The following DYNC2H1 variants were observed in gnomAD, a reference collection of about 807,000 sequenced individuals.
DYNC2H1 encodes the protein cytoplasmic dynein 2 heavy chain 1.
Under a neutral mutation model 570.0 loss-of-function variants are expected in DYNC2H1, and 410 were observed. The ratio of observed to expected loss-of-function variants is 0.72; its 90% confidence interval spans 0.66 to 0.78. DYNC2H1 has a LOEUF of 0.78. Among genes scored for constraint, DYNC2H1 ranks in the 30% least tolerant of loss-of-function variants. DYNC2H1 has a pLI of 0.00. For missense variants in DYNC2H1, 4,865 were observed against 5,046.4 expected, an observed-to-expected ratio of 0.96 and a Z score of 1.09; for synonymous variants, 1,688 against 1,677.6, an observed-to-expected ratio of 1.01 and a Z score of -0.15.
chr11:103,360,140 G>A (rs1004349267), intron 83 of DYNC2H1, among the ~76,000 whole-genome samples: 2 of 152,018 alleles, frequency 1.3e-5, no homozygotes, highest in African/African-American at 4.8e-5. Flanking sequence ...ACAAATTATA[G>A]AATATGTTGC....
intron 78 of DYNC2H1, among the ~76,000 whole-genome samples, chr11:103,308,930 T>A (rs776223559): frequency 1.1e-4 from 16 of 152,050 alleles, no homozygotes; most frequent in Non-Finnish European, 2.4e-4. Flanking sequence ...GCAAATATTC[T>A]CTCCCATTCT....
intron 85 of DYNC2H1, among the ~76,000 whole-genome samples, chr11:103,445,715 G>A (rs1285815461): frequency 6.6e-6 from 1 of 152,258 alleles, no homozygotes; most frequent in Non-Finnish European, 1.5e-5. Context: ...GCAGTGGCTC[G>A]ATCTCAGCTC....
In DYNC2H1 at chr11:103,157,141, C is replaced by A. The variant is rs1005660112; in HGVS notation, c.4127+371C>A. Among the ~76,000 whole-genome samples, 1 of 152,064 alleles carries A rather than the reference C, an allele frequency of 6.6e-6. No individual in the cohort carries two copies. The highest frequency in any genetic ancestry group is 1.5e-5 in the Non-Finnish European group (1 of 67,998). ...TCTCTTCCATTGGCTTCTGTGATTT[C>A]GTCCTCTCTTGGTTTTCTGACTGTC... On this transcript the variant is annotated intron_variant, in intron 26 of 88. Transcript: ENST00000375735. The surrounding 1 kb of genome is among the most constrained non-coding windows in gnomAD (Gnocchi z 4.2).
intron 73 of DYNC2H1, among the ~76,000 whole-genome samples, chr11:103,284,000 TC>T (rs756364845): frequency 1.5e-4 from 18 of 124,064 alleles, no homozygotes; most frequent in Non-Finnish European, 2.4e-4. Flanking sequence ...CCTGTGCACT[TC>T]CTTGTAAAAG....
In DYNC2H1 at chr11:103,185,089, T is replaced by C; in HGVS notation, c.6633+38T>C. The C allele has an allele frequency of 6.4e-7, 1 of 1,574,584 alleles. No individual in the cohort carries two copies. Among genetic ancestry groups the C allele is most frequent in the Non-Finnish European group, 8.7e-7 (1 of 1,154,698 alleles). ...TATAGCCTATATTTAGTCAAAACTTTAACTTTTCATTAACTCTTAACTGCC... is the reference window on the plus strand; with the variant it reads ...TATAGCCTATATTTAGTCAAAACTTCAACTTTTCATTAACTCTTAACTGCC... On this transcript the variant is annotated intron_variant, in intron 41 of 88. Transcript: ENST00000375735. The surrounding 1 kb of genome is among the most constrained non-coding windows in gnomAD (Gnocchi z 4.5).
At chr11:103,258,083 A>C (rs638569) in intron 69 of DYNC2H1, among the ~76,000 whole-genome samples, 8,488 of 152,298 alleles carry the variant, frequency 0.056, 316 homozygotes, top group Middle Eastern at 0.13. Flanking sequence ...TGGGGAAAAC[A>C]ACATTTAACA....
Position 103,326,897 on chromosome 11 carries a change from A to G in DYNC2H1, c.12039+2907A>G, listed in dbSNP as rs1591582994. Among the ~76,000 whole-genome samples the G allele has an allele frequency of 3.3e-5, 5 of 152,292 alleles. No homozygotes were observed. In the Middle Eastern group the frequency reaches 0.014, roughly 414 times the overall value. On this transcript the variant is annotated intron_variant, in intron 82 of 88. Coordinates refer to ENST00000375735, the MANE Select transcript of DYNC2H1 (RefSeq NM_001377.3). This position sits in a 1 kb window ranked among gnomAD's most constrained non-coding sequence, Gnocchi z 6.1. ...CTCTACTACAGCTGTCCTGCACACA[A>G]AAGCTCCTGAGCTCCACAGCAGCTG... is the stretch of plus-strand genomic sequence containing the variant.
intron 75 of DYNC2H1, among the ~76,000 whole-genome samples, chr11:103,290,020 G>A (rs1185743946): frequency 6.6e-6 from 1 of 151,866 alleles, no homozygotes; most frequent in Non-Finnish European, 1.5e-5. Flanking sequence ...GAGAACCTAG[G>A]AAGAGATATG....
Position 103,170,366 on chromosome 11 carries a change from A to G in DYNC2H1, c.5151+76A>G. 1 of 1,313,676 alleles carries G rather than the reference A, an allele frequency of 7.6e-7. No homozygotes were observed. The highest frequency in any genetic ancestry group is 1.0e-6 in the Non-Finnish European group (1 of 990,180). 81.4% of individuals were successfully genotyped at this position (1,313,676 alleles called of 1,614,324 possible). A position where few individuals can be genotyped will look rare whatever the true frequency, so the allele number is the denominator to read the frequency against. On this transcript the variant is annotated intron_variant, in intron 33 of 88. Coordinates refer to ENST00000375735, the MANE Select transcript of DYNC2H1 (RefSeq NM_001377.3). The surrounding 1 kb of genome is among the most constrained non-coding windows in gnomAD (Gnocchi z 4.8). ...ATTAGTTTCTATTAGTATATGAAAT[A>G]CTCTACTTAAAAATCACTACATTTA...
chr11:103,359,819 G>A (rs1591629462), intron 83 of DYNC2H1, among the ~76,000 whole-genome samples: 1 of 151,566 alleles, frequency 6.6e-6, no homozygotes, highest in South Asian at 2.1e-4. Context: ...TGCACACTAC[G>A]GCACCCAGCT....
chr11:103,411,378 G>T (rs1271671029), intron 84 of DYNC2H1, among the ~76,000 whole-genome samples: 2 of 151,880 alleles, frequency 1.3e-5, no homozygotes, highest in Admixed American at 6.6e-5. Context: ...TGTATAAAAT[G>T]GAGGCTTTGT....
In DYNC2H1 at chr11:103,209,885, A is replaced by G; in HGVS notation, c.8464A>G (p.Met2822Val). Residue 2822 changes from methionine (M) to valine (V), a missense_variant, in exon 53 of 89, where the codon ATG becomes GTG. By Grantham distance (21) the Met-to-Val change is conservative. This residue lies in a region of DYNC2H1 where 2,401 missense variants were observed against 2,454.6 expected (regional missense o/e 0.98). Coordinates refer to ENST00000375735, the MANE Select transcript of DYNC2H1 (RefSeq NM_001377.3). This position sits in a 1 kb window ranked among gnomAD's most constrained non-coding sequence, Gnocchi z 4.2. ...TCTTTTTATGTTTTAGATACCTGAAATGTTATTCAGTGAAACAGGTGGTGG... is the reference window on the plus strand; with the variant it reads ...TCTTTTTATGTTTTAGATACCTGAAGTGTTATTCAGTGAAACAGGTGGTGG... ...SNSSMKKIPE[M>V]LFSETGGGEK... is the part of the protein sequence containing the mutation. The G allele has an allele frequency of 2.0e-6, 3 of 1,492,200 alleles. No individual in the cohort carries two copies. The highest frequency in any genetic ancestry group is 1.3e-5 in the South Asian group (1 of 75,476). 92.4% of individuals were successfully genotyped at this position (1,492,200 alleles called of 1,614,324 possible).
chr11:103,284,111 C>T (rs1338595253), intron 73 of DYNC2H1, among the ~76,000 whole-genome samples: 20 of 152,152 alleles, frequency 1.3e-4, no homozygotes, highest in Admixed American at 1.3e-3. Context: ...CATTCCCCAC[C>T]ATTCCCCAGG....
chr11:103,308,802 C>T (rs1190206078), intron 78 of DYNC2H1, among the ~76,000 whole-genome samples: 1 of 152,190 alleles, frequency 6.6e-6, no homozygotes, highest in East Asian at 1.9e-4. Flanking sequence ...GGAGAAATGT[C>T]TTTTCAAATT....
intron 88 of DYNC2H1, among the ~76,000 whole-genome samples, chr11:103,474,292 A>G (rs562615467): frequency 6.6e-6 from 1 of 152,192 alleles, no homozygotes; most frequent in South Asian, 2.1e-4. Flanking sequence ...CTACTTGTAC[A>G]TACATTAGAA....
intron 70 of DYNC2H1, among the ~76,000 whole-genome samples, chr11:103,269,323 G>T (rs1317773680): frequency 6.6e-6 from 1 of 152,122 alleles, no homozygotes; most frequent in Non-Finnish European, 1.5e-5. Flanking sequence ...ATAGCAATGA[G>T]ATACATTTCT....
Position 103,245,287 on chromosome 11 carries a change from C to G in DYNC2H1, c.9955C>G (p.Arg3319Gly), listed in dbSNP as rs371953021. The stretch of plus-strand genomic sequence containing the variant: ...TATCACAGCTCTTGAATTAGCAGTA[C>G]GTTTTGGGAAAACCCTTATTATACA... ...NFITALELAV[R>G]FGKTLIIQEM... Residue 3319 changes from arginine to glycine, a missense_variant, in exon 65 of 89, where the codon CGT (arginine) becomes GGT (glycine). Arg to Gly is a moderately radical substitution (Grantham distance 125). Coordinates refer to ENST00000375735, the MANE Select transcript of DYNC2H1 (RefSeq NM_001377.3). This position sits in a 1 kb window ranked among gnomAD's most constrained non-coding sequence, Gnocchi z 4.5. The G allele has an allele frequency of 6.4e-7, 1 of 1,551,558 alleles. No homozygotes were observed. Among genetic ancestry groups the G allele is most frequent in the Admixed American group, 2.0e-5 (1 of 51,184 alleles).
chr11:103,453,639 T>TATATATATATATATATATATATATATAC (rs1944686902), intron 85 of DYNC2H1, among the ~76,000 whole-genome samples: 1 of 103,240 alleles, frequency 9.7e-6, no homozygotes, highest in African/African-American at 3.6e-5. Flanking sequence ...TATATATATA[T>TATATATATATATATATATATATATATAC]ATACACACAT....
intron 10 of DYNC2H1, 53 bp downstream of exon 10, chr11:103,121,549 A>G (rs796879807): frequency 1.3e-6 from 2 of 1,577,664 alleles, no homozygotes; most frequent in African/African-American, 2.7e-5. Flanking sequence ...CTGCTAAATT[A>G]AGGCATGTAG....
Sources: gnomAD v4.1 joint callset for allele counts (sites outside exome capture counted in the v4.1 genomes callset) on GRCh38, gnomAD v4.1.1 for gene constraint, gnomAD v4.1.1 regional missense constraint, Gnocchi (gnomAD v3.1) non-coding constraint, MANE v1.5 for transcripts, NCBI Gene and HGNC (gene_info 2026-07-23, HGNC 2026-07-21) for gene names.